Variants in NUP210 observed in about 807,000 individuals in gnomAD.
NUP210 encodes nuclear pore membrane glycoprotein 210.
In NUP210, 151 loss-of-function variants were observed where a neutral mutation model predicts 196.0. The observed-to-expected ratio is 0.77, with a 90% CI of 0.67 to 0.88. The LOEUF (loss-of-function observed/expected upper bound fraction) is 0.88, where lower values mean the gene tolerates loss of function less well. Ranked by LOEUF, NUP210 falls within the 40% of genes least tolerant of loss-of-function variation. NUP210 has a pLI of 0.00. For missense variants in NUP210, 2,314 were observed against 2,493.7 expected (o/e 0.93, Z 1.53); for synonymous variants, 1,070 against 1,052.7 (o/e 1.02, Z -0.32).
At chr3:13,405,811 T>C (rs1300168931) in intron 1 of NUP210, among the ~76,000 whole-genome samples, 1 of 152,170 alleles carries the variant, frequency 6.6e-6, no homozygotes, top group African/African-American at 2.4e-5. Context: ...GGGCCAACTA[T>C]CGCAGCTAGG....
rs1461749316 is a variant in NUP210, at chr3:13,321,809, G to C, written c.4942C>G (p.His1648Asp). 1 of 1,608,342 alleles carries C rather than the reference G, an allele frequency of 6.2e-7. No homozygotes were observed. The highest frequency in any genetic ancestry group is 2.2e-5 in the East Asian group (1 of 44,872). The change falls in exon 36 of 40, where the codon CAC becomes GAC. Residue 1648 changes from histidine (H) to aspartate (D), a missense_variant. Transcript: ENST00000254508. The part of the protein sequence containing the change: ...LGQYFCSITM[H>D]RLTDKQRKHL... Reference sequence around the variant, plus strand: ...TTCCGCTGCTTGTCCGTCAGCCTGTGCATTGTGATTGAGCAGAAGTACTGG... The same window carrying C: ...TTCCGCTGCTTGTCCGTCAGCCTGTCCATTGTGATTGAGCAGAAGTACTGG...
intron 9 of NUP210, 57 bp downstream of exon 9, chr3:13,377,399 C>T (rs971831545): frequency 2.7e-5 from 34 of 1,264,326 alleles, no homozygotes; most frequent in African/African-American, 4.4e-5. Flanking sequence ...CTTCAGCAGC[C>T]GCGTCAGACA....
chr3:13,347,207 G>A lies in NUP210; in HGVS notation c.2836-3904C>T. ...CACAGCTGCGGCTCACAGGAGCTGG[G>A]CCCCCCGGCTTCATTCCCTCCTGAA... On this transcript the variant is annotated intron_variant, in intron 20 of 39. Transcript: ENST00000254508. This position sits in a 1 kb window ranked among gnomAD's most constrained non-coding sequence, Gnocchi z 4.7. The A allele has an allele frequency of 1.0e-6, 1 of 985,328 alleles. No individual in the cohort carries two copies. Among genetic ancestry groups the A allele is most frequent in the Non-Finnish European group, 1.2e-6 (1 of 829,888 alleles). 61.0% of individuals were successfully genotyped at this position (985,328 alleles called of 1,614,324 possible).
At position 13,352,206 on chromosome 3, in the gene NUP210, A is replaced by AT. The variant is rs1559323835; in HGVS notation, c.2629-23dup. The AT allele has an allele frequency of 1.9e-6, 3 of 1,571,450 alleles. No homozygotes were observed. The East Asian group carries it at 6.7e-5, about 35-fold the overall frequency. ...CATGCTGAAGGACAAGGGCAAGGCCATTAGATCCAGGAGGACATGATTAGG... is the reference window on the plus strand; with the variant it reads ...CATGCTGAAGGACAAGGGCAAGGCCATTTAGATCCAGGAGGACATGATTAGG... On this transcript the variant is annotated intron_variant, in intron 18 of 39. Coordinates refer to ENST00000254508, the MANE Select transcript of NUP210 (RefSeq NM_024923.4).
chr3:13,321,908 C>T lies in NUP210; in HGVS notation c.4916-73G>A, dbSNP rs548340206. ...CTGATGTCATTTCTTCTCCCTGCTTCTCTAACCAGGGGATTCCTATGCATC... is the reference window on the plus strand; with the variant it reads ...CTGATGTCATTTCTTCTCCCTGCTTTTCTAACCAGGGGATTCCTATGCATC... On this transcript the variant is annotated intron_variant, in intron 35 of 39. Transcript: ENST00000254508. 2,247 of 1,539,702 alleles carry T rather than the reference C, an allele frequency of 1.5e-3. 54 individuals carry two copies. The South Asian group carries it at 0.025, about 17-fold the overall frequency.
chr3:13,402,180 G>A (rs1443467690), intron 1 of NUP210, among the ~76,000 whole-genome samples: 4 of 152,140 alleles, frequency 2.6e-5, no homozygotes, highest in African/African-American at 9.7e-5. Context: ...GCCTGAGTGA[G>A]AGAATGAGGT....
intron 3 of NUP210, among the ~76,000 whole-genome samples, chr3:13,391,824 G>A (rs976390795): frequency 2.6e-5 from 4 of 151,514 alleles, no homozygotes; most frequent in African/African-American, 4.9e-5. Flanking sequence ...TCCTGAGGTC[G>A]TGGGGTAGGT....
intron 23 of NUP210, 118 bp downstream of exon 23, chr3:13,341,630 G>C (rs1697498228): frequency 8.3e-7 from 1 of 1,211,494 alleles, no homozygotes; most frequent in Non-Finnish European, 1.2e-6. Context: ...AGAGGACATT[G>C]TGGGACACAG....
chr3:13,318,038 C>T (rs990684510), intron 39 of NUP210, among the ~76,000 whole-genome samples: 1 of 152,174 alleles, frequency 6.6e-6, no homozygotes, highest in South Asian at 2.1e-4. Flanking sequence ...AGTTTCAGGA[C>T]CACAGCAGCA....
In NUP210 at chr3:13,329,332, C is replaced by T. The variant is rs546578390; in HGVS notation, c.4111-386G>A. Among the ~76,000 whole-genome samples the T allele has an allele frequency of 1.8e-4, 27 of 152,300 alleles. No homozygotes were observed. In the South Asian group the frequency reaches 4.6e-3, roughly 26 times the overall value. On this transcript the variant is annotated intron_variant, in intron 30 of 39. Transcript: ENST00000254508. Reference sequence around the variant, plus strand: ...AAATCCTCCTCGATCGCAGGGGCAGCGCTAAGCAGGCCACAGCATGCCCTG... The same window carrying T: ...AAATCCTCCTCGATCGCAGGGGCAGTGCTAAGCAGGCCACAGCATGCCCTG...
intron 20 of NUP210, 150 bp downstream of exon 20, chr3:13,351,729 C>G: frequency 1.6e-6 from 1 of 614,778 alleles, no homozygotes. Flanking sequence ...AACTCCTGGG[C>G]TCAAGTGATC....
At chr3:13,351,500 A>C (rs1418450603) in intron 20 of NUP210, among the ~76,000 whole-genome samples, 1 of 151,980 alleles carries the variant, frequency 6.6e-6, no homozygotes, top group Non-Finnish European at 1.5e-5. Context: ...TTTTTTTTGG[A>C]GACAGGGTCT....
chr3:13,380,555 G>A lies in NUP210; in HGVS notation c.818-834C>T, dbSNP rs116010874. On this transcript the variant is annotated intron_variant, in intron 6 of 39. Transcript: ENST00000254508. The stretch of plus-strand genomic sequence containing the variant: ...GCTGGCGTTCTGATCCAGAGAGCCT[G>A]ACCACTTTCACATTCACTCTCCTAA... Among the ~76,000 whole-genome samples, 500 of 152,324 alleles carry A rather than the reference G, an allele frequency of 3.3e-3. 5 individuals carry two copies. Among genetic ancestry groups the A allele is most frequent in the African/African-American group, 0.012 (487 of 41,562 alleles).
At chr3:13,383,798 A>T (rs528922798) in intron 6 of NUP210, among the ~76,000 whole-genome samples, 1 of 151,714 alleles carries the variant, frequency 6.6e-6, no homozygotes, top group South Asian at 2.1e-4. Flanking sequence ...AAATGCTGGG[A>T]TTACAGGTGT....
intron 39 of NUP210, among the ~76,000 whole-genome samples, chr3:13,318,280 C>T (rs1353211158): frequency 2.0e-5 from 3 of 152,178 alleles, no homozygotes; most frequent in Non-Finnish European, 4.4e-5. Context: ...GCAGCAGAGC[C>T]GCGAGGAGGC....
intron 1 of NUP210, among the ~76,000 whole-genome samples, chr3:13,401,921 G>A (rs1055403542): frequency 2.0e-5 from 3 of 152,106 alleles, no homozygotes; most frequent in Non-Finnish European, 2.9e-5. Flanking sequence ...TCTGCCAGGT[G>A]CAGTGGCTCA....
chr3:13,348,995 C>A lies in NUP210; in HGVS notation c.2835+2884G>T, dbSNP rs1697864529. 1.3e-6 allele frequency: 1 copy of A among 769,286 alleles called. No individual in the cohort carries two copies. The highest frequency in any genetic ancestry group is 6.2e-5 in the Admixed American group (1 of 16,052). The allele number at this position is 769,286 out of a possible 1,614,324, so 47.7% of individuals were successfully genotyped here. ...CTCTTGCCTCACAGGCCCACACCCCCACACATCAAAAAACAGCCGGAGGTG... is the reference window on the plus strand; with the variant it reads ...CTCTTGCCTCACAGGCCCACACCCCAACACATCAAAAAACAGCCGGAGGTG... On this transcript the variant is annotated intron_variant, in intron 20 of 39. Transcript: ENST00000254508. The surrounding 1 kb of genome is among the most constrained non-coding windows in gnomAD (Gnocchi z 4.0).
intron 1 of NUP210, among the ~76,000 whole-genome samples, chr3:13,408,182 T>A (rs79507676): frequency 0.024 from 3,649 of 152,344 alleles, 46 homozygotes; most frequent in Middle Eastern, 0.058. Context: ...ACTGATTTTT[T>A]AAAAATATTG....
intron 20 of NUP210, 71 bp from the exon 21 acceptor site, chr3:13,343,374 GT>G: frequency 6.4e-7 from 1 of 1,556,758 alleles, no homozygotes; most frequent in Admixed American, 1.9e-5. Context: ...CTCTGCTCAG[GT>G]TTGTGAGCAG....
Sources: allele counts gnomAD v4.1 joint callset (sites outside exome capture counted in the v4.1 genomes callset), GRCh38; gene constraint gnomAD v4.1.1; non-coding constraint Gnocchi (gnomAD v3.1); transcripts MANE v1.5; gene names NCBI Gene and HGNC (gene_info 2026-07-23, HGNC 2026-07-21).